GRM7: variants seen among roughly 807,000 people sequenced by gnomAD.
GRM7 encodes glutamate metabotropic receptor 7.
In GRM7, 35 loss-of-function variants were observed where a neutral mutation model predicts 84.5. The ratio of observed to expected loss-of-function variants is 0.41; its 90% CI spans 0.32 to 0.55. GRM7 has a LOEUF of 0.55. GRM7 is among the 20% of genes least tolerant of loss of function. The pLI is 0.19. For synonymous variants in GRM7, 487 were observed against 455.1 expected (o/e 1.07, Z -0.89); for missense variants, 1,003 against 1,194.6 (o/e 0.84, Z 2.36).
chr3:7,204,080 A>G lies in GRM7; in HGVS notation c.736+57412A>G, dbSNP rs532521226. ...TAGAAAAGTAAATTCAGACTCAAGCAATATAGGCATAGTATTGCTTCAGTT... is the reference window on the plus strand; with the variant it reads ...TAGAAAAGTAAATTCAGACTCAAGCGATATAGGCATAGTATTGCTTCAGTT... On this transcript the variant is annotated intron_variant, in intron 2 of 9. Transcript: ENST00000357716. Among the ~76,000 whole-genome samples the G allele has an allele frequency of 3.9e-5, 6 of 152,358 alleles. No individual in the cohort carries two copies. The South Asian group carries it at 1.2e-3, about 32-fold the overall frequency.
intron 4 of GRM7, among the ~76,000 whole-genome samples, chr3:7,413,298 A>G (rs115074762): frequency 6.6e-6 from 1 of 152,338 alleles, no homozygotes; most frequent in African/African-American, 2.4e-5. Flanking sequence ...AAGGCATTGT[A>G]AATACATGGC....
intron 1 of GRM7, among the ~76,000 whole-genome samples, chr3:7,118,012 T>G (rs1350237322): frequency 2.0e-5 from 3 of 152,164 alleles, no homozygotes; most frequent in Non-Finnish European, 4.4e-5. Flanking sequence ...ACTCCTTAAC[T>G]ATTACTGTGA....
chr3:6,965,525 G>T (rs756439209), intron 1 of GRM7, among the ~76,000 whole-genome samples: 7 of 151,620 alleles, frequency 4.6e-5, no homozygotes, highest in Non-Finnish European at 1.5e-5. Flanking sequence ...GTAGAGATGG[G>T]GGTCTCACTA....
In GRM7 at chr3:7,477,822, TCA is replaced by T. The variant is rs555745519; in HGVS notation, c.1515+16106_1515+16107del. Among the ~76,000 whole-genome samples the T allele has an allele frequency of 3.7e-3, 561 of 152,262 alleles. 4 individuals are homozygous for T. The highest frequency in any genetic ancestry group is 0.013 in the African/African-American group (533 of 41,542). On this transcript the variant is annotated intron_variant, in intron 7 of 9. Transcript: ENST00000357716. The stretch of plus-strand genomic sequence containing the variant: ...CTGTATCTCCAGTTAAAAAGTAAAA[TCA>T]CACACGCATGTATTCAGCATACCTT...
intron 2 of GRM7, among the ~76,000 whole-genome samples, chr3:7,215,050 C>T (rs540358296): frequency 2.0e-5 from 3 of 152,192 alleles, no homozygotes; most frequent in East Asian, 3.9e-4. Context: ...TTTGAAAAAG[C>T]GACCTCTACA....
intron 1 of GRM7, among the ~76,000 whole-genome samples, chr3:6,919,460 G>C (rs930256121): frequency 6.7e-6 from 1 of 150,076 alleles, no homozygotes; most frequent in Non-Finnish European, 1.5e-5. Context: ...CACCCACCTT[G>C]GCCTCCCAAA....
At chr3:7,000,217 G>A (rs1694961937) in intron 1 of GRM7, among the ~76,000 whole-genome samples, 1 of 145,174 alleles carries the variant, frequency 6.9e-6, no homozygotes, top group Non-Finnish European at 1.5e-5. Context: ...TGTCACCCAG[G>A]CTGGAGTTCA....
intron 1 of GRM7, among the ~76,000 whole-genome samples, chr3:7,089,120 G>A (rs1217976212): frequency 6.6e-6 from 1 of 152,064 alleles, no homozygotes; most frequent in Non-Finnish European, 1.5e-5. Context: ...ATCTCTTTTG[G>A]AAAATTCCAA....
chr3:7,220,060 G>A (rs573748646), intron 2 of GRM7, among the ~76,000 whole-genome samples: 31 of 152,288 alleles, frequency 2.0e-4, no homozygotes, highest in African/African-American at 7.2e-4. Flanking sequence ...GTCCCTGGCT[G>A]ATATAAATAA....
intron 2 of GRM7, among the ~76,000 whole-genome samples, chr3:7,233,774 G>T (rs148736003): frequency 3.3e-5 from 5 of 152,060 alleles, no homozygotes; most frequent in African/African-American, 1.2e-4. Flanking sequence ...ACTCCGAACT[G>T]CAAATAAATA....
chr3:7,593,942 A>G (rs1261921184), intron 8 of GRM7, among the ~76,000 whole-genome samples: 1 of 151,324 alleles, frequency 6.6e-6, no homozygotes, highest in Non-Finnish European at 1.5e-5. Context: ...AATCCACAGA[A>G]GGGGGAAAAA....
At chr3:7,404,086 G>A (rs1695573426) in intron 4 of GRM7, among the ~76,000 whole-genome samples, 1 of 152,118 alleles carries the variant, frequency 6.6e-6, no homozygotes, top group Non-Finnish European at 1.5e-5. Flanking sequence ...CCAAGCAAAC[G>A]TAATTTAAAA....
intron 7 of GRM7, chr3:7,520,362 G>C (rs929137320): frequency 2.6e-5 from 4 of 152,148 alleles, no homozygotes; most frequent in African/African-American, 9.7e-5. Flanking sequence ...TTTGTGGTCA[G>C]CCAGGTATGT....
intron 1 of GRM7, among the ~76,000 whole-genome samples, chr3:7,062,727 C>A (rs775523574): frequency 6.6e-6 from 1 of 151,576 alleles, no homozygotes; most frequent in Non-Finnish European, 1.5e-5. Flanking sequence ...TTAATTCATG[C>A]AAAAATGGTG....
chr3:7,216,610 G>A (rs1046807116), intron 2 of GRM7, among the ~76,000 whole-genome samples: 3 of 152,246 alleles, frequency 2.0e-5, no homozygotes, highest in Admixed American at 2.0e-4. Flanking sequence ...CTTTCAATAT[G>A]TAGGTTACTA....
chr3:7,248,897 T>C (rs1264792846), intron 2 of GRM7, among the ~76,000 whole-genome samples: 1 of 152,148 alleles, frequency 6.6e-6, no homozygotes, highest in Non-Finnish European at 1.5e-5. Context: ...ATTATCACTT[T>C]TATCATCACT....
chr3:7,623,275 CAG>C (rs1005251164), intron 8 of GRM7, among the ~76,000 whole-genome samples: 1 of 152,152 alleles, frequency 6.6e-6, no homozygotes, highest in African/African-American at 2.4e-5. Context: ...TGAAGGAGAA[CAG>C]TGTGCAGAAT....
At chr3:7,588,395 C>A (rs1401047031) in intron 8 of GRM7, among the ~76,000 whole-genome samples, 1 of 152,218 alleles carries the variant, frequency 6.6e-6, no homozygotes, top group Non-Finnish European at 1.5e-5. Flanking sequence ...CCACCCAGCT[C>A]AGGACCACAT....
chr3:7,709,730 C>A (rs1465621929), intron 9 of GRM7, among the ~76,000 whole-genome samples: 1 of 152,124 alleles, frequency 6.6e-6, no homozygotes, highest in Non-Finnish European at 1.5e-5. Context: ...AAACACAGCC[C>A]AAAACTCCTT....
Sources: allele counts gnomAD v4.1 joint callset (sites outside exome capture counted in the v4.1 genomes callset), GRCh38; gene constraint gnomAD v4.1.1; transcripts MANE v1.5; gene names NCBI Gene and HGNC (gene_info 2026-07-23, HGNC 2026-07-21).